Variants in WDR27 observed in about 807,000 individuals in gnomAD.
WDR27 encodes the protein WD repeat domain 27.
WDR27 carries 100 observed loss-of-function variants against 114.4 expected under a neutral mutation model. That is an observed-to-expected ratio of 0.87 (90% confidence interval 0.74 to 1.03). The LOEUF (loss-of-function observed/expected upper bound fraction) is 1.03. Ranked by LOEUF, WDR27 falls within the 50% of genes least tolerant of loss-of-function variation. WDR27 has a pLI of 0.00. For missense variants in WDR27, 1,129 were observed against 1,092.9 expected, an observed-to-expected ratio of 1.03 and a Z score of -0.47; for synonymous variants, 449 against 423.1, an observed-to-expected ratio of 1.06 and a Z score of -0.75.
intron 25 of WDR27, among the ~76,000 whole-genome samples, chr6:169,529,508 C>G (rs1441349489): frequency 6.6e-6 from 1 of 152,168 alleles, no homozygotes; most frequent in African/African-American, 2.4e-5. Context: ...CTGCATCTTA[C>G]ATTTCCCATA....
chr6:169,504,266 ACTCACTGATATGGTTTGGATCTGTGTCCC>A (rs1178021621), intron 25 of WDR27, among the ~76,000 whole-genome samples: 2 of 152,190 alleles, frequency 1.3e-5, no homozygotes, highest in Non-Finnish European at 2.9e-5. Context: ...GTATCATGTT[ACTCACTGATATGGTTTGGATCTGTGTCCC>A]CACCCAAATC....
intron 1 of WDR27, among the ~76,000 whole-genome samples, chr6:169,697,928 C>A (rs1328160944): frequency 6.6e-6 from 1 of 152,190 alleles, no homozygotes; most frequent in Non-Finnish European, 1.5e-5. Context: ...TTTCTACACT[C>A]GTCCCCGCGC....
intron 25 of WDR27, among the ~76,000 whole-genome samples, chr6:169,474,395 G>A (rs1385406024): frequency 1.3e-5 from 2 of 152,158 alleles, no homozygotes; most frequent in East Asian, 3.8e-4. Flanking sequence ...CAATATAACT[G>A]TAATATGCAG....
chr6:169,641,694 C>T (rs73240717), intron 17 of WDR27, among the ~76,000 whole-genome samples: 4,186 of 152,290 alleles, frequency 0.027, 204 homozygotes, highest in African/African-American at 0.095. Flanking sequence ...AGCTCGGGAC[C>T]AGGAGAGATG....
intron 25 of WDR27, among the ~76,000 whole-genome samples, chr6:169,562,802 G>A (rs1283806348): frequency 6.6e-6 from 1 of 152,156 alleles, no homozygotes; most frequent in Non-Finnish European, 1.5e-5. Context: ...GTGAAATAAG[G>A]AACAGCGAGG....
intron 25 of WDR27, among the ~76,000 whole-genome samples, chr6:169,498,946 T>C (rs1353659871): frequency 6.6e-6 from 1 of 152,180 alleles, no homozygotes; most frequent in Non-Finnish European, 1.5e-5. Flanking sequence ...CGGAACTGCA[T>C]ACCTGCGCAG....
chr6:169,691,304 A>T (rs1784445174), intron 1 of WDR27, among the ~76,000 whole-genome samples: 1 of 152,230 alleles, frequency 6.6e-6, no homozygotes, highest in Non-Finnish European at 1.5e-5. Flanking sequence ...AAATAAAAGC[A>T]TGTGTACATT....
Position 169,684,777 on chromosome 6 carries a change from G to C in WDR27, c.189+4040C>G, listed in dbSNP as rs184073902. ...AATGGGCATGCCCGCAGCCAGCTGAGCAGCCTTGTGCCTACGTCCAATGCT... is the reference window on the plus strand; with the variant it reads ...AATGGGCATGCCCGCAGCCAGCTGACCAGCCTTGTGCCTACGTCCAATGCT... On this transcript the variant is annotated intron_variant, in intron 2 of 25. Transcript: ENST00000448612. This position sits in a 1 kb window ranked among gnomAD's most constrained non-coding sequence, Gnocchi z 4.3. 2.5e-4 allele frequency among the ~76,000 whole-genome samples: 38 copies of C among 152,326 alleles called. No homozygotes were observed. Among genetic ancestry groups the C allele is most frequent in the African/African-American group, 8.9e-4 (37 of 41,574 alleles).
chr6:169,554,710 CCAT>C (rs1256607886), intron 25 of WDR27, among the ~76,000 whole-genome samples: 13 of 152,186 alleles, frequency 8.5e-5, no homozygotes, highest in African/African-American at 3.1e-4. Flanking sequence ...TCAACCACCA[CCAT>C]GTGCAACCGT....
At chr6:169,698,018 T>C (rs989068966) in intron 1 of WDR27, among the ~76,000 whole-genome samples, 4 of 152,064 alleles carry the variant, frequency 2.6e-5, no homozygotes, top group African/African-American at 7.2e-5. Context: ...GATGAGTGCA[T>C]AGTAAAGAAA....
At chr6:169,468,980 A>C (rs1785973847) in intron 25 of WDR27, among the ~76,000 whole-genome samples, 1 of 152,040 alleles carries the variant, frequency 6.6e-6, no homozygotes, top group Non-Finnish European at 1.5e-5. Context: ...AATGTCTCCA[A>C]TCTTATAGAA....
At chr6:169,475,155 T>C (rs1338915404) in intron 25 of WDR27, among the ~76,000 whole-genome samples, 1 of 152,268 alleles carries the variant, frequency 6.6e-6, no homozygotes, top group Non-Finnish European at 1.5e-5. Flanking sequence ...TTTCAAGTTT[T>C]ATTTAAAAAG....
intron 25 of WDR27, among the ~76,000 whole-genome samples, chr6:169,553,952 C>G (rs1798532566): frequency 6.6e-6 from 1 of 152,208 alleles, no homozygotes; most frequent in African/African-American, 2.4e-5. Context: ...CTTACAATTC[C>G]TAAATTCTCT....
At chr6:169,483,488 T>C (rs1788473075) in intron 25 of WDR27, among the ~76,000 whole-genome samples, 1 of 152,138 alleles carries the variant, frequency 6.6e-6, no homozygotes, top group Non-Finnish European at 1.5e-5. Flanking sequence ...TCTGAACCAA[T>C]AACAAGTTCT....
At chr6:169,686,542 A>G (rs1214655095) in intron 2 of WDR27, among the ~76,000 whole-genome samples, 2 of 152,182 alleles carry the variant, frequency 1.3e-5, no homozygotes, top group East Asian at 1.9e-4. Context: ...AAAGACACAC[A>G]TAGTCTTAAA....
intron 2 of WDR27, among the ~76,000 whole-genome samples, chr6:169,678,523 T>C (rs1326057038): frequency 6.6e-6 from 1 of 152,204 alleles, no homozygotes; most frequent in East Asian, 1.9e-4. Context: ...ACTTGCCTTG[T>C]CTCAGATGAA....
chr6:169,590,288 T>C (rs1805491388), intron 23 of WDR27, among the ~76,000 whole-genome samples: 1 of 152,224 alleles, frequency 6.6e-6, no homozygotes, highest in African/African-American at 2.4e-5. Flanking sequence ...GTTGCACTCC[T>C]GAAACTTGAC....
intron 13 of WDR27, among the ~76,000 whole-genome samples, chr6:169,654,901 G>C (rs997730994): frequency 6.6e-6 from 1 of 152,180 alleles, no homozygotes; most frequent in Admixed American, 6.5e-5. Context: ...GTTCTTTTGC[G>C]GGTGTTTCTT....
chr6:169,587,214 C>CA (rs1554299599), intron 23 of WDR27, among the ~76,000 whole-genome samples: 4 of 115,702 alleles, frequency 3.5e-5, no homozygotes. Context: ...CAAGGATTTT[C>CA]TTTTTTTTTT....
Sources: gnomAD v4.1 joint callset for allele counts (sites outside exome capture counted in the v4.1 genomes callset) on GRCh38, gnomAD v4.1.1 for gene constraint, Gnocchi (gnomAD v3.1) non-coding constraint, MANE v1.5 for transcripts, NCBI Gene and HGNC (gene_info 2026-07-23, HGNC 2026-07-21) for gene names.